Variants in MTA3 observed in about 807,000 individuals in gnomAD.
MTA3 encodes the protein metastasis-associated protein MTA3.
MTA3 carries 34 observed loss-of-function variants against 83.5 expected under a neutral mutation model. The observed-to-expected ratio is 0.41, with a 90% CI of 0.31 to 0.54. MTA3 has a LOEUF of 0.54. MTA3 is among the 20% of genes least tolerant of loss of function. The pLI is 0.33. For synonymous variants in MTA3, 303 were observed against 252.7 expected (o/e 1.20, Z -1.89); for missense variants, 761 against 726.4 (o/e 1.05, Z -0.55).
In MTA3 at chr2:42,699,349, G is replaced by T. The variant is rs147765258; in HGVS notation, c.1025+1515G>T. 4.3e-3 allele frequency among the ~76,000 whole-genome samples: 655 copies of T among 152,180 alleles called. 3 individuals carry two copies. The highest frequency in any genetic ancestry group is 0.015 in the African/African-American group (631 of 41,524). On this transcript the variant is annotated intron_variant, in intron 11 of 16. Coordinates refer to ENST00000405094, the MANE Select transcript of MTA3 (RefSeq NM_001330442.2). ...CCCAGGTAGCTGGGACTATAGGCAC[G>T]CACCACCACACCCGACTAATTTATT... is the stretch of plus-strand genomic sequence containing the variant.
chr2:42,699,325 C>G (rs562941440), intron 11 of MTA3, among the ~76,000 whole-genome samples: 1 of 152,108 alleles, frequency 6.6e-6, no homozygotes, highest in African/African-American at 2.4e-5. Context: ...CCTCAGCCCC[C>G]CAGGTAGCTG....
chr2:42,613,679 A>T (rs925407556), intron 4 of MTA3: 1 of 152,222 alleles, frequency 6.6e-6, no homozygotes, highest in Non-Finnish European at 1.5e-5. Flanking sequence ...TGGAACATAG[A>T]AGAAAACCTG....
chr2:42,731,054 C>T (rs148723026), intron 16 of MTA3, among the ~76,000 whole-genome samples: 2 of 152,056 alleles, frequency 1.3e-5, no homozygotes, highest in African/African-American at 4.8e-5. Context: ...GTTGTAACGT[C>T]TCCTTTTTCA....
In MTA3 at chr2:42,755,338, T is replaced by G. The variant is rs192146925; in HGVS notation, c.*1939T>G. 2.5e-5 allele frequency: 25 copies of G among 985,496 alleles called. No individual in the cohort carries two copies. In the African/African-American group the frequency reaches 4.4e-4, roughly 17 times the overall value. 61.0% of individuals were successfully genotyped at this position (985,496 alleles called of 1,614,324 possible). A position where few individuals can be genotyped will look rare whatever the true frequency, so the allele number is the denominator to read the frequency against. On this transcript the variant is annotated 3_prime_UTR_variant, in exon 17 of 17. Transcript: ENST00000405094. ...CCGTGACTCAGCTGCCAGCTTCATTTTCTCTGCCTTTTGGGAGAGGCCCTC... is the reference window on the plus strand; with the variant it reads ...CCGTGACTCAGCTGCCAGCTTCATTGTCTCTGCCTTTTGGGAGAGGCCCTC...
chr2:42,570,863 A>G (rs1678396750), intron 2 of MTA3, among the ~76,000 whole-genome samples: 1 of 151,906 alleles, frequency 6.6e-6, no homozygotes, highest in Non-Finnish European at 1.5e-5. Context: ...ATACAAAAAA[A>G]ATAGTCGGGC....
intron 2 of MTA3, among the ~76,000 whole-genome samples, chr2:42,574,920 C>T (rs1195761778): frequency 1.3e-5 from 2 of 152,014 alleles, no homozygotes; most frequent in Non-Finnish European, 2.9e-5. Context: ...TAGATCAGTC[C>T]GTGGATGGGA....
chr2:42,756,003 C>A lies in MTA3; in HGVS notation c.*2604C>A, dbSNP rs1670213444. On this transcript the variant is annotated 3_prime_UTR_variant, in exon 17 of 17. Coordinates refer to ENST00000405094, the MANE Select transcript of MTA3 (RefSeq NM_001330442.2). The stretch of plus-strand genomic sequence containing the variant: ...TTCCCCTTGTGCACAGCCCAGTTTC[C>A]ATCTCTCAGGGCCCACCCAGGAAAA... The A allele has an allele frequency of 1.0e-6, 1 of 985,390 alleles. No homozygotes were observed. The highest frequency in any genetic ancestry group is 6.1e-5 in the Admixed American group (1 of 16,262). The allele number at this position is 985,390 out of a possible 1,614,324, so 61.0% of individuals were successfully genotyped here.
chr2:42,545,624 C>T (rs1260608150), intron 2 of MTA3, among the ~76,000 whole-genome samples: 1 of 152,066 alleles, frequency 6.6e-6, no homozygotes, highest in Non-Finnish European at 1.5e-5. Flanking sequence ...TAAGGCCTAC[C>T]TCATTAGATA....
chr2:42,728,137 A>G (rs1445945805), intron 16 of MTA3, among the ~76,000 whole-genome samples: 2 of 152,128 alleles, frequency 1.3e-5, no homozygotes, highest in South Asian at 2.1e-4. Context: ...TCTACTCTCT[A>G]TCTCCATGAG....
At chr2:42,596,258 C>T (rs1252638445) in intron 3 of MTA3, among the ~76,000 whole-genome samples, 1 of 152,230 alleles carries the variant, frequency 6.6e-6, no homozygotes, top group African/African-American at 2.4e-5. Context: ...TCTCCTTTTG[C>T]AGCCAGGGCC....
chr2:42,744,754 G>C (rs1023614450), intron 16 of MTA3, among the ~76,000 whole-genome samples: 5 of 152,176 alleles, frequency 3.3e-5, no homozygotes, highest in African/African-American at 1.2e-4. Flanking sequence ...TCCATCAAAA[G>C]AGCAGTCATA....
At chr2:42,646,043 A>T (rs1688148537) in intron 6 of MTA3, among the ~76,000 whole-genome samples, 1 of 152,172 alleles carries the variant, frequency 6.6e-6, no homozygotes, top group South Asian at 2.1e-4. Flanking sequence ...AAAATCCCAG[A>T]CCTCTTAAGA....
chr2:42,733,825 G>C (rs1003574590), intron 16 of MTA3, among the ~76,000 whole-genome samples: 13 of 152,026 alleles, frequency 8.6e-5, no homozygotes, highest in African/African-American at 2.9e-4. Flanking sequence ...TAATTTCCAT[G>C]TGTTTGTGTA....
intron 16 of MTA3, among the ~76,000 whole-genome samples, chr2:42,749,748 G>A (rs1037007534): frequency 1.3e-5 from 2 of 152,028 alleles, no homozygotes; most frequent in Admixed American, 6.6e-5. Flanking sequence ...GATTACAGGC[G>A]TGAGTCACCA....
At chr2:42,559,935 C>T (rs1229278942) in intron 2 of MTA3, among the ~76,000 whole-genome samples, 1 of 152,054 alleles carries the variant, frequency 6.6e-6, no homozygotes, top group Admixed American at 6.6e-5. Context: ...TGACAGCTAC[C>T]ATTCTACTCC....
intron 3 of MTA3, among the ~76,000 whole-genome samples, chr2:42,579,748 G>C (rs1221585068): frequency 2.0e-5 from 3 of 152,060 alleles, no homozygotes; most frequent in Non-Finnish European, 4.4e-5. Context: ...ATGGAGTCTT[G>C]CTATGTTGCC....
At chr2:42,528,306 G>A (rs575496293) in intron 2 of MTA3, among the ~76,000 whole-genome samples, 5 of 149,450 alleles carry the variant, frequency 3.3e-5, no homozygotes, top group South Asian at 2.1e-4. Context: ...TGCAGCCTCC[G>A]CCTCCCAGGT....
chr2:42,546,850 C>G (rs1350592581), intron 2 of MTA3, among the ~76,000 whole-genome samples: 1 of 152,116 alleles, frequency 6.6e-6, no homozygotes, highest in Non-Finnish European at 1.5e-5. Flanking sequence ...TGTGGGCAGA[C>G]AGGAGGATGA....
intron 16 of MTA3, 48 bp downstream of exon 16, chr2:42,723,083 A>G (rs1667545349): frequency 6.5e-7 from 1 of 1,535,526 alleles, no homozygotes. Flanking sequence ...GAGTGCCTTC[A>G]CACTCAGGCA....
Sources: gnomAD v4.1 joint callset for allele counts (sites outside exome capture counted in the v4.1 genomes callset) on GRCh38, gnomAD v4.1.1 for gene constraint, MANE v1.5 for transcripts, NCBI Gene and HGNC (gene_info 2026-07-23, HGNC 2026-07-21) for gene names.